Variants in RALGAPA1 observed in about 807,000 individuals in gnomAD.
RALGAPA1 encodes the protein Ral GTPase activating protein catalytic subunit alpha 1, also known as ral GTPase-activating protein subunit alpha-1.
RALGAPA1 carries 52 observed loss-of-function variants against 269.6 expected under a neutral mutation model. The observed-to-expected ratio is 0.19, with a 90% CI of 0.15 to 0.24. RALGAPA1 has a LOEUF of 0.24. Among genes scored for constraint, RALGAPA1 ranks in the 10% least tolerant of loss-of-function variants. The pLI is 1.00. For missense variants in RALGAPA1, 1,917 were observed against 3,013.9 expected, an observed-to-expected ratio of 0.64 and a Z score of 8.52; for synonymous variants, 817 against 1,008.3, an observed-to-expected ratio of 0.81 and a Z score of 3.60.
intron 4 of RALGAPA1, among the ~76,000 whole-genome samples, 188 bp downstream of exon 4, chr14:35,770,754 G>T (rs17103519): frequency 0.013 from 1,997 of 152,086 alleles, 11 homozygotes; most frequent in Non-Finnish European, 0.02. Flanking sequence ...AATTTCCTAT[G>T]GCATTTTGAC....
chr14:35,643,972 A>C (rs563732420), intron 31 of RALGAPA1, among the ~76,000 whole-genome samples: 1 of 152,220 alleles, frequency 6.6e-6, no homozygotes, highest in African/African-American at 2.4e-5. Context: ...AATATTTGCT[A>C]GCAAAACAGA....
At chr14:35,630,825 C>T (rs532295240) in intron 33 of RALGAPA1, among the ~76,000 whole-genome samples, 2 of 152,108 alleles carry the variant, frequency 1.3e-5, no homozygotes, top group African/African-American at 2.4e-5. Flanking sequence ...GAACTGAGAT[C>T]GCGCCACTGC....
In RALGAPA1 at chr14:35,567,902, C is replaced by G. The variant is rs191406816; in HGVS notation, c.7496+2715G>C. Among the ~76,000 whole-genome samples the G allele has an allele frequency of 2.2e-3, 328 of 152,288 alleles. 2 individuals are homozygous for G. Among genetic ancestry groups the G allele is most frequent in the African/African-American group, 7.2e-3 (300 of 41,580 alleles). ...AGTACAAACTCTTCCATATCTACCT[C>G]TATGCTCCACTTTCAATTGCACCTT... On this transcript the variant is annotated intron_variant, in intron 39 of 41. Coordinates refer to ENST00000680220, the MANE Select transcript of RALGAPA1 (RefSeq NM_001346249.2).
chr14:35,675,842 TTA>T (rs1208328408), intron 22 of RALGAPA1, among the ~76,000 whole-genome samples: 1 of 152,210 alleles, frequency 6.6e-6, no homozygotes, highest in African/African-American at 2.4e-5. Flanking sequence ...AACCATAAAG[TTA>T]TGATTTCTCA....
chr14:35,600,592 C>T (rs2059234589), intron 36 of RALGAPA1, among the ~76,000 whole-genome samples: 1 of 152,160 alleles, frequency 6.6e-6, no homozygotes, highest in African/African-American at 2.4e-5. Context: ...TTTACTGATT[C>T]TTCTGTACCC....
rs578242338 is a variant in RALGAPA1, at chr14:35,672,717, T to G, written c.5073+150A>C. ...AACCATGTTTCAAGAACAAATAAGG[T>G]CATAAAATTGAAGTAAATTGTATAT... On this transcript the variant is annotated intron_variant, in intron 25 of 41. Coordinates refer to ENST00000680220, the MANE Select transcript of RALGAPA1 (RefSeq NM_001346249.2). 4 of 699,300 alleles carry G rather than the reference T, an allele frequency of 5.7e-6. No individual in the cohort carries two copies. In the South Asian group the frequency reaches 1.5e-4, roughly 26 times the overall value. The allele number at this position is 699,300 out of a possible 1,614,324, so 43.3% of individuals were successfully genotyped here.
At chr14:35,721,156 C>A (rs976104633) in intron 16 of RALGAPA1, among the ~76,000 whole-genome samples, 1 of 152,160 alleles carries the variant, frequency 6.6e-6, no homozygotes, top group Non-Finnish European at 1.5e-5. Context: ...TGTTCCTTTG[C>A]TGCTATTTCC....
chr14:35,546,048 T>C (rs1394662253), intron 41 of RALGAPA1, among the ~76,000 whole-genome samples: 1 of 151,982 alleles, frequency 6.6e-6, no homozygotes, highest in Non-Finnish European at 1.5e-5. Flanking sequence ...TTTAACGTAG[T>C]TATGAAAGAT....
Position 35,671,526 on chromosome 14 carries a change from A to G in RALGAPA1, c.5074-9T>C, listed in dbSNP as rs1311467297. 6.2e-6 allele frequency: 9 copies of G among 1,462,248 alleles called. No homozygotes were observed. Among genetic ancestry groups the G allele is most frequent in the Non-Finnish European group, 7.6e-6 (8 of 1,047,124 alleles). The allele number at this position is 1,462,248 out of a possible 1,614,324, so 90.6% of individuals were successfully genotyped here. A position where few individuals can be genotyped will look rare whatever the true frequency, so the allele number is the denominator to read the frequency against. ...ATTGTATTGACAATATCCTTAGAATAAGGAAAGAAGGAAAAAAGAATATCA... is the reference window on the plus strand; with the variant it reads ...ATTGTATTGACAATATCCTTAGAATGAGGAAAGAAGGAAAAAAGAATATCA... On this transcript the variant is annotated splice_polypyrimidine_tract_variant and intron_variant, in intron 25 of 41. Coordinates refer to ENST00000680220, the MANE Select transcript of RALGAPA1 (RefSeq NM_001346249.2).
At chr14:35,736,310 G>A (rs2070989106) in intron 12 of RALGAPA1, among the ~76,000 whole-genome samples, 1 of 152,118 alleles carries the variant, frequency 6.6e-6, no homozygotes, top group African/African-American at 2.4e-5. Flanking sequence ...TTATTAGATA[G>A]CCAAGTGAAA....
chr14:35,581,481 T>C (rs1331041879), intron 37 of RALGAPA1, among the ~76,000 whole-genome samples: 1 of 152,302 alleles, frequency 6.6e-6, no homozygotes, highest in East Asian at 1.9e-4. Flanking sequence ...TATGACCACA[T>C]TGTTCATACA....
intron 1 of RALGAPA1, 116 bp from the exon 2 acceptor site, chr14:35,775,861 T>C: frequency 1.9e-6 from 2 of 1,029,866 alleles, no homozygotes; most frequent in Non-Finnish European, 2.6e-6. Flanking sequence ...TTCTATTCTA[T>C]TAAAATATTT....
At chr14:35,722,469 T>C (rs1362455333) in intron 15 of RALGAPA1, among the ~76,000 whole-genome samples, 1 of 151,572 alleles carries the variant, frequency 6.6e-6, no homozygotes, top group Non-Finnish European at 1.5e-5. Context: ...AACAAAAAAA[T>C]TTAGCTGAGC....
chr14:35,628,944 C>T (rs536062751), intron 33 of RALGAPA1, among the ~76,000 whole-genome samples: 124 of 151,608 alleles, frequency 8.2e-4, no homozygotes, highest in Middle Eastern at 3.4e-3. Context: ...GTTTAAGAGG[C>T]CTGGAAAGGC....
intron 12 of RALGAPA1, among the ~76,000 whole-genome samples, chr14:35,728,998 T>C (rs1028100065): frequency 2.0e-5 from 3 of 152,100 alleles, no homozygotes; most frequent in Non-Finnish European, 4.4e-5. Flanking sequence ...GCTTCCCAAA[T>C]TGCTGCGATT....
intron 28 of RALGAPA1, among the ~76,000 whole-genome samples, chr14:35,658,710 T>C (rs1203426186): frequency 6.6e-6 from 1 of 151,410 alleles, no homozygotes; most frequent in East Asian, 1.9e-4. Flanking sequence ...CAAATATTTA[T>C]AAATATTAAA....
chr14:35,616,183 A>C (rs910044011), intron 35 of RALGAPA1, among the ~76,000 whole-genome samples: 24 of 152,166 alleles, frequency 1.6e-4, no homozygotes, highest in African/African-American at 5.1e-4. Context: ...TCTAAACATA[A>C]ATATGACCAT....
chr14:35,759,904 T>C (rs1199014937), intron 6 of RALGAPA1, among the ~76,000 whole-genome samples: 4 of 132,728 alleles, frequency 3.0e-5, no homozygotes, highest in Non-Finnish European at 6.2e-5. Context: ...AGAGTGAGAT[T>C]CTATCTCAAA....
At chr14:35,545,834 A>G (rs73244831) in intron 41 of RALGAPA1, among the ~76,000 whole-genome samples, 2,887 of 152,248 alleles carry the variant, frequency 0.019, 95 homozygotes, top group African/African-American at 0.065. Flanking sequence ...ACATGTACAT[A>G]TGAACAAACA....
Sources: gnomAD v4.1 joint callset for allele counts (sites outside exome capture counted in the v4.1 genomes callset) on GRCh38, gnomAD v4.1.1 for gene constraint, MANE v1.5 for transcripts, NCBI Gene and HGNC (gene_info 2026-07-23, HGNC 2026-07-21) for gene names.